The following CNOT8 variants were observed in gnomAD, a reference collection of about 807,000 sequenced individuals.
CNOT8 encodes the protein CAF1-like protein.
A neutral mutation model predicts 34.6 loss-of-function variants in CNOT8; 18 were observed. That is an observed-to-expected ratio of 0.52 (90% CI 0.36 to 0.77). The LOEUF is 0.77. Among genes scored for constraint, CNOT8 ranks in the 30% least tolerant of loss-of-function variants. The probability of loss-of-function intolerance (pLI) is 0.00; values close to 1 mark genes in which losing one functional copy is unlikely to be tolerated. For synonymous variants in CNOT8, 101 were observed against 118.8 expected (o/e 0.85, Z 0.98); for missense variants, 189 against 347.9 (o/e 0.54, Z 3.63).
chr5:154,871,962 T>G (rs1449828621), intron 5 of CNOT8, 88 bp downstream of exon 5: 1 of 1,131,334 alleles, frequency 8.8e-7, no homozygotes, highest in African/African-American at 1.6e-5. Context: ...TCAGCATGCA[T>G]TTTTGAGTAC....
At chr5:154,863,157 A>G (rs1761516405) in intron 1 of CNOT8, 50 bp from the exon 2 acceptor site, 1 of 697,704 alleles carries the variant, frequency 1.4e-6, no homozygotes, top group Non-Finnish European at 2.6e-6. Flanking sequence ...TTGTGTTGAC[A>G]TCTTATGTGT....
At chr5:154,874,980 G>C (rs1052571201) in intron 6 of CNOT8, among the ~76,000 whole-genome samples, 2 of 151,052 alleles carry the variant, frequency 1.3e-5, no homozygotes, top group African/African-American at 4.9e-5. Context: ...GCAGTGGTAC[G>C]GCCTTGGCCC....
intron 1 of CNOT8, among the ~76,000 whole-genome samples, chr5:154,860,099 AAC>A (rs746003614): frequency 5.9e-5 from 9 of 152,200 alleles, no homozygotes; most frequent in Non-Finnish European, 1.2e-4. Context: ...CTTTGGTTGT[AAC>A]CCAGATAAGT....
rs28708830 is a variant in CNOT8 at position 154,866,921 on chromosome 5, G to A, written c.311+1536G>A. On this transcript the variant is annotated intron_variant, in intron 3 of 6. Transcript: ENST00000285896. Reference sequence around the variant, plus strand: ...GAATGAGACTCTGCCTCAAGAAAAAGAAAAAAAATAATGTTTACTTGGGAT... The same window carrying A: ...GAATGAGACTCTGCCTCAAGAAAAAAAAAAAAAATAATGTTTACTTGGGAT... Among the ~76,000 whole-genome samples, 275 of 148,524 alleles carry A rather than the reference G, an allele frequency of 1.9e-3. 4 individuals are homozygous for A. In the East Asian group the frequency reaches 0.024, roughly 13 times the overall value.
intron 1 of CNOT8, among the ~76,000 whole-genome samples, chr5:154,862,330 C>T (rs1761425680): frequency 6.6e-6 from 1 of 152,014 alleles, no homozygotes; most frequent in East Asian, 1.9e-4. Flanking sequence ...AATAGCTGGG[C>T]GTGGTGGCGT....
chr5:154,868,081 C>T (rs112720789), intron 3 of CNOT8, among the ~76,000 whole-genome samples: 3,367 of 151,168 alleles, frequency 0.022, 110 homozygotes, highest in African/African-American at 0.078. Context: ...GGATTACAGG[C>T]GCCCACCACC....
At chr5:154,863,027 G>C (rs1190179764) in intron 1 of CNOT8, among the ~76,000 whole-genome samples, 180 bp from the exon 2 acceptor site, 1 of 152,088 alleles carries the variant, frequency 6.6e-6, no homozygotes, top group Non-Finnish European at 1.5e-5. Flanking sequence ...GTGTGTGTGC[G>C]TGTGTGCATG....
chr5:154,865,411 T>TA (rs1485852877), intron 3 of CNOT8, 26 bp downstream of exon 3: 2 of 1,536,412 alleles, frequency 1.3e-6, no homozygotes, highest in South Asian at 2.5e-5. Context: ...ATAAATGCGT[T>TA]AATTTTAAGT....
chr5:154,872,252 C>G (rs1479997402), intron 5 of CNOT8, among the ~76,000 whole-genome samples: 1 of 152,120 alleles, frequency 6.6e-6, no homozygotes, highest in African/African-American at 2.4e-5. Flanking sequence ...GCTTTGCTGT[C>G]TAGAATTAGA....
In CNOT8 at chr5:154,871,879, A is replaced by G. The variant is rs1426909439; in HGVS notation, c.618+5A>G. ...AAGAGCTGCAAAAATCTTAAGGTAT[A>G]TGATGTTTTTCTTAATACCAGTAAC... On this transcript the variant is annotated splice_donor_5th_base_variant and intron_variant, in intron 5 of 6. Transcript: ENST00000285896. The G allele has an allele frequency of 6.2e-7, 1 of 1,607,278 alleles. No homozygotes were observed. Among genetic ancestry groups the G allele is most frequent in the South Asian group, 1.1e-5 (1 of 90,060 alleles).
intron 3 of CNOT8, chr5:154,867,761 C>A (rs1424482228): frequency 9.3e-6 from 2 of 215,154 alleles, no homozygotes; most frequent in South Asian, 4.5e-5. Flanking sequence ...GAACAGACAA[C>A]ACATACCCAT....
intron 1 of CNOT8, among the ~76,000 whole-genome samples, chr5:154,860,291 TATGATGATG>T (rs58094991): frequency 1.3e-5 from 2 of 151,582 alleles, no homozygotes; most frequent in African/African-American, 2.4e-5. Flanking sequence ...GAATTGCTGG[TATGATGATG>T]ATGATGATGA....
At chr5:154,869,670 G>C (rs1762279910) in intron 3 of CNOT8, among the ~76,000 whole-genome samples, 1 of 149,216 alleles carries the variant, frequency 6.7e-6, no homozygotes. Context: ...CTGTCATCAG[G>C]CTGGAGCGCA....
upstream of CNOT8, chr5:154,858,559 C>T (rs1286371767): frequency 6.6e-6 from 1 of 152,298 alleles, no homozygotes; most frequent in Non-Finnish European, 1.5e-5. Flanking sequence ...TAGAGTGGTG[C>T]CGTCCGGTTG....
At chr5:154,858,886 G>A (rs898447245) in intron 1 of CNOT8, 118 bp downstream of exon 1, 2 of 152,258 alleles carry the variant, frequency 1.3e-5, no homozygotes, top group African/African-American at 4.8e-5. Context: ...GGTGTGTGAG[G>A]AGGAGAGGAA....
At chr5:154,870,591 G>A in intron 3 of CNOT8, 70 bp from the exon 4 acceptor site, 1 of 1,149,058 alleles carries the variant, frequency 8.7e-7, no homozygotes, top group Non-Finnish European at 1.3e-6. Context: ...TTATAAGGTG[G>A]TGGTAATAGT....
chr5:154,862,019 G>A (rs1761394882), intron 1 of CNOT8, among the ~76,000 whole-genome samples: 1 of 152,046 alleles, frequency 6.6e-6, no homozygotes, highest in Non-Finnish European at 1.5e-5. Context: ...TTATAACCAG[G>A]CCTTGTACGT....
chr5:154,858,325 G>GGCGGGCCGTCTTCCGCAA (rs1760987590), upstream of CNOT8: 2 of 152,226 alleles, frequency 1.3e-5, no homozygotes, highest in Admixed American at 1.3e-4. Context: ...GAGGGCCGCA[G>GGCGGGCCGTCTTCCGCAA]GCGGGCCGTC....
chr5:154,859,005 C>G (rs1033147673), intron 1 of CNOT8, among the ~76,000 whole-genome samples: 1 of 152,120 alleles, frequency 6.6e-6, no homozygotes, highest in Non-Finnish European at 1.5e-5. Flanking sequence ...AACTTCTACT[C>G]CAATCCTCCG....
Sources: allele counts gnomAD v4.1 joint callset (sites outside exome capture counted in the v4.1 genomes callset), GRCh38; gene constraint gnomAD v4.1.1; transcripts MANE v1.5; gene names NCBI Gene and HGNC (gene_info 2026-07-23, HGNC 2026-07-21).